BNC2: variants seen among roughly 807,000 people sequenced by gnomAD.
BNC2 encodes the protein zinc finger protein basonuclin-2.
Under a neutral mutation model 76.3 loss-of-function variants are expected in BNC2, and 20 were observed. That is an observed-to-expected ratio of 0.26 (90% CI 0.18 to 0.38). The LOEUF is 0.38. Ranked by LOEUF, BNC2 falls within the 10% of genes least tolerant of loss-of-function variation. The pLI is 1.00. For missense variants in BNC2, 1,382 were observed against 1,399.8 expected (o/e 0.99, Z 0.20); for synonymous variants, 582 against 514.8 (o/e 1.13, Z -1.77).
Position 16,415,194 on chromosome 9 carries a change from T to A in BNC2, c.*3795A>T, listed in dbSNP as rs540469830. 1 of 152,480 alleles carries A rather than the reference T, an allele frequency of 6.6e-6. No individual in the cohort carries two copies. The highest frequency in any genetic ancestry group is 1.5e-5 in the Non-Finnish European group (1 of 68,022). 9.4% of individuals were successfully genotyped at this position (152,480 alleles called of 1,614,324 possible). On this transcript the variant is annotated 3_prime_UTR_variant, in exon 7 of 7. Coordinates refer to ENST00000380672, the MANE Select transcript of BNC2 (RefSeq NM_017637.6). Reference sequence around the variant, plus strand: ...GTTACATTGGGTTGACTTATTTAAATACAATTAATATCAGAACAAAGAATG... The same window carrying A: ...GTTACATTGGGTTGACTTATTTAAAAACAATTAATATCAGAACAAAGAATG...
At chr9:16,746,567 T>C (rs28529611) in intron 1 of BNC2, among the ~76,000 whole-genome samples, 130,302 of 151,448 alleles carry the variant, frequency 0.86, 56,456 homozygotes, top group Non-Finnish European at 0.91. Flanking sequence ...TTTCACACCA[T>C]GTTGGCAGAC....
intron 5 of BNC2, among the ~76,000 whole-genome samples, chr9:16,485,111 G>GACGC (rs1554649564): frequency 7.0e-6 from 1 of 143,560 alleles, no homozygotes; most frequent in Non-Finnish European, 1.6e-5. Flanking sequence ...GACACACACA[G>GACGC]ACACACACAC....
chr9:16,786,006 G>A (rs865775309), intron 1 of BNC2, among the ~76,000 whole-genome samples: 4 of 151,942 alleles, frequency 2.6e-5, no homozygotes, highest in East Asian at 1.9e-4. Context: ...GGGTAGTCTC[G>A]GGAACCACAG....
At chr9:16,505,504 G>A (rs1329028592) in intron 5 of BNC2, among the ~76,000 whole-genome samples, 4 of 152,152 alleles carry the variant, frequency 2.6e-5, no homozygotes, top group South Asian at 4.2e-4. Flanking sequence ...TAACTCTTGG[G>A]ATTCAGAGCC....
chr9:16,724,498 A>T (rs1339671365), intron 3 of BNC2, among the ~76,000 whole-genome samples: 1 of 152,092 alleles, frequency 6.6e-6, no homozygotes, highest in Non-Finnish European at 1.5e-5. Flanking sequence ...GTTCTCAAAT[A>T]CTCAGCTATA....
At chr9:16,540,389 A>G (rs1818283288) in intron 5 of BNC2, among the ~76,000 whole-genome samples, 1 of 152,088 alleles carries the variant, frequency 6.6e-6, no homozygotes, top group Non-Finnish European at 1.5e-5. Flanking sequence ...ATCCAAACTG[A>G]CCTACTTATT....
intron 5 of BNC2, among the ~76,000 whole-genome samples, chr9:16,537,023 A>G (rs1322379477): frequency 6.6e-6 from 1 of 152,138 alleles, no homozygotes; most frequent in Non-Finnish European, 1.5e-5. Context: ...TATCCTGCTC[A>G]TAAACCCTAT....
intron 1 of BNC2, among the ~76,000 whole-genome samples, 186 bp from the exon 2 acceptor site, chr9:16,738,671 A>G (rs1337043312): frequency 3.3e-5 from 5 of 152,226 alleles, no homozygotes; most frequent in Admixed American, 2.6e-4. Context: ...GGTGAGAACT[A>G]AAGTAACAAA....
chr9:16,453,213 G>A (rs532364839), intron 5 of BNC2, among the ~76,000 whole-genome samples: 12 of 152,166 alleles, frequency 7.9e-5, no homozygotes, highest in Non-Finnish European at 1.5e-4. Context: ...AATCAGGCTT[G>A]AGATACTATT....
chr9:16,715,832 A>T (rs1427595809), intron 3 of BNC2, among the ~76,000 whole-genome samples: 1 of 152,192 alleles, frequency 6.6e-6, no homozygotes, highest in Non-Finnish European at 1.5e-5. Context: ...AAAATGTCAT[A>T]CTACTCTAGA....
At chr9:16,808,052 G>A (rs1304527027) in intron 1 of BNC2, among the ~76,000 whole-genome samples, 2 of 152,102 alleles carry the variant, frequency 1.3e-5, no homozygotes, top group East Asian at 1.9e-4. Flanking sequence ...CAAAAAGGAG[G>A]TGGGCCATAT....
chr9:16,826,430 G>A (rs1052664946), intron 1 of BNC2, among the ~76,000 whole-genome samples: 1 of 152,010 alleles, frequency 6.6e-6, no homozygotes, highest in Non-Finnish European at 1.5e-5. Flanking sequence ...AACCCTCTAA[G>A]TTGCGATTAT....
chr9:16,599,446 C>A (rs780236118), intron 3 of BNC2, among the ~76,000 whole-genome samples: 1 of 152,198 alleles, frequency 6.6e-6, no homozygotes, highest in African/African-American at 2.4e-5. Context: ...CTAACACCTT[C>A]TTCAAATGAA....
At chr9:16,804,694 A>G (rs1211747193) in intron 1 of BNC2, among the ~76,000 whole-genome samples, 1 of 152,222 alleles carries the variant, frequency 6.6e-6, no homozygotes, top group Non-Finnish European at 1.5e-5. Flanking sequence ...AGTATTTGCA[A>G]GCAAATGGTG....
In BNC2 at chr9:16,843,936, T is replaced by C. The variant is rs187787700; in HGVS notation, c.3+26710A>G. Among the ~76,000 whole-genome samples, 51 of 152,320 alleles carry C rather than the reference T, an allele frequency of 3.3e-4. No homozygotes were observed. In the East Asian group the frequency reaches 7.7e-3, roughly 23 times the overall value. On this transcript the variant is annotated intron_variant, in intron 1 of 6. Transcript: ENST00000380672. ...AACGAGTATGTGAAATATCTGTTTT[T>C]ATCAAATTCTGGTTTTTACTCTTAG...
At chr9:16,519,113 T>C (rs1817535765) in intron 5 of BNC2, among the ~76,000 whole-genome samples, 1 of 152,182 alleles carries the variant, frequency 6.6e-6, no homozygotes, top group Non-Finnish European at 1.5e-5. Context: ...AATGCCTCCT[T>C]TACTGGCCCT....
intron 4 of BNC2, among the ~76,000 whole-genome samples, chr9:16,569,481 A>G (rs910647183): frequency 6.6e-6 from 1 of 152,118 alleles, no homozygotes; most frequent in African/African-American, 2.4e-5. Flanking sequence ...TATACAGCCA[A>G]TATTTCAAAC....
chr9:16,576,089 T>A (rs750063701), intron 4 of BNC2, among the ~76,000 whole-genome samples: 1 of 152,200 alleles, frequency 6.6e-6, no homozygotes, highest in Non-Finnish European at 1.5e-5. Context: ...GCTAAGCATG[T>A]ACTTCCCTTC....
intron 5 of BNC2, among the ~76,000 whole-genome samples, chr9:16,537,337 T>A (rs1002322111): frequency 2.0e-5 from 3 of 152,148 alleles, no homozygotes; most frequent in Non-Finnish European, 4.4e-5. Context: ...TATAGTATTA[T>A]TTGAAAAATC....
Sources: gnomAD v4.1 joint callset for allele counts (sites outside exome capture counted in the v4.1 genomes callset) on GRCh38, gnomAD v4.1.1 for gene constraint, MANE v1.5 for transcripts, NCBI Gene and HGNC (gene_info 2026-07-23, HGNC 2026-07-21) for gene names.